Variants in TULP4 observed in about 807,000 individuals in gnomAD.
TULP4 encodes TUB like protein 4.
In TULP4, 16 loss-of-function variants were observed where a neutral mutation model predicts 129.0. That is an observed-to-expected ratio of 0.12 (90% CI 0.08 to 0.19). The LOEUF (loss-of-function observed/expected upper bound fraction) is 0.19, where lower values mean the gene tolerates loss of function less well. Ranked by LOEUF, TULP4 falls within the 10% of genes least tolerant of loss-of-function variation. The pLI, the probability that TULP4 is intolerant of heterozygous loss-of-function variation, is 1.00. For missense variants in TULP4, 1,842 were observed against 2,059.1 expected, an observed-to-expected ratio of 0.89 and a Z score of 2.04; for synonymous variants, 998 against 854.0, an observed-to-expected ratio of 1.17 and a Z score of -2.94.
At chr6:158,483,539 G>A (rs1351453515) in intron 8 of TULP4, among the ~76,000 whole-genome samples, 2 of 152,228 alleles carry the variant, frequency 1.3e-5, no homozygotes, top group Middle Eastern at 3.4e-3. Flanking sequence ...ATGTTGCCCA[G>A]GCTGATAAAC....
intron 1 of TULP4, among the ~76,000 whole-genome samples, chr6:158,266,685 G>A (rs916634822): frequency 5.9e-5 from 9 of 152,172 alleles, no homozygotes; most frequent in African/African-American, 1.9e-4. Context: ...TAGCATTTAC[G>A]TTGTATTAGG....
At chr6:158,289,681 A>T (rs1468714372) in intron 1 of TULP4, among the ~76,000 whole-genome samples, 1 of 152,094 alleles carries the variant, frequency 6.6e-6, no homozygotes, top group African/African-American at 2.4e-5. Context: ...CCTGGGCTCA[A>T]GTGATCCTCC....
chr6:158,262,801 C>A lies in TULP4; in HGVS notation n.68+30498C>A, dbSNP rs931087520. ...CATCATTTGGCACCCTGCGATGTCA[C>A]CTTGCTTTTCAGGAGTGCAGCCGGT... On this transcript the variant is annotated intron_variant and non_coding_transcript_variant, in intron 1 of 1. Transcript: ENST00000620026. 3.3e-5 allele frequency among the ~76,000 whole-genome samples: 5 copies of A among 152,300 alleles called. No individual in the cohort carries two copies. In the East Asian group the frequency reaches 9.6e-4, roughly 29 times the overall value.
At chr6:158,306,015 C>T (rs1380819117) in intron 1 of TULP4, among the ~76,000 whole-genome samples, 1 of 152,080 alleles carries the variant, frequency 6.6e-6, no homozygotes, top group Non-Finnish European at 1.5e-5. Flanking sequence ...TGGCACCAGC[C>T]TTTCAGGAAT....
chr6:158,447,153 T>C (rs1049426774), intron 3 of TULP4, among the ~76,000 whole-genome samples: 3 of 152,220 alleles, frequency 2.0e-5, no homozygotes, highest in African/African-American at 7.2e-5. Flanking sequence ...TTTATTGTTA[T>C]TGAAAATTGC....
intron 6 of TULP4, among the ~76,000 whole-genome samples, chr6:158,468,139 G>A (rs1779595451): frequency 6.6e-6 from 1 of 152,222 alleles, no homozygotes; most frequent in South Asian, 2.1e-4. Context: ...TATTCAGTAA[G>A]ATTAATTAAC....
At chr6:158,390,690 T>C (rs1465921344) in intron 1 of TULP4, among the ~76,000 whole-genome samples, 1 of 152,218 alleles carries the variant, frequency 6.6e-6, no homozygotes, top group Non-Finnish European at 1.5e-5. Context: ...TGAAGAGTCA[T>C]ATGACGTGAA....
At position 158,504,162 on chromosome 6, in the gene TULP4, A is replaced by T; in HGVS notation, c.4499A>T (p.Glu1500Val). 6.3e-7 allele frequency: 1 copy of T among 1,593,756 alleles called. No homozygotes were observed. Among genetic ancestry groups the T allele is most frequent in the East Asian group, 2.3e-5 (1 of 44,234 alleles). The change falls in exon 13 of 14, where the codon GAG becomes GTG. Residue 1500 changes from glutamate to valine, a missense_variant. Physicochemically the swap from Glu to Val is moderately radical, Grantham distance 121. Coordinates refer to ENST00000367097, the MANE Select transcript of TULP4 (RefSeq NM_020245.5). Reference protein sequence around the residue: ...TQESAKNFQIELEGRQVMQFG... With the variant: ...TQESAKNFQIVLEGRQVMQFG... ...GAGTCCGCCAAGAACTTCCAGATTG[A>T]GTTAGAGGGGCGGCAGGTAAGACCT...
chr6:158,418,673 A>G (rs1001170537), intron 2 of TULP4, among the ~76,000 whole-genome samples: 10 of 152,154 alleles, frequency 6.6e-5, no homozygotes, highest in African/African-American at 2.4e-4. Context: ...GAAGGCGGCA[A>G]TGGGAGGATT....
intron 1 of TULP4, among the ~76,000 whole-genome samples, chr6:158,386,629 C>T (rs2114932034): frequency 6.6e-6 from 1 of 152,144 alleles, no homozygotes; most frequent in Middle Eastern, 3.4e-3. Context: ...TTAATATAGT[C>T]ACAGAATTCA....
At chr6:158,300,163 A>G (rs1779108192) in intron 1 of TULP4, among the ~76,000 whole-genome samples, 2 of 152,204 alleles carry the variant, frequency 1.3e-5, no homozygotes, top group Non-Finnish European at 2.9e-5. Context: ...CAGTATTCAC[A>G]CGAAGTTTAA....
intron 2 of TULP4, among the ~76,000 whole-genome samples, chr6:158,423,251 A>G (rs1024308369): frequency 6.6e-6 from 1 of 152,224 alleles, no homozygotes; most frequent in Non-Finnish European, 1.5e-5. Context: ...CTAAATAAAG[A>G]TTTCTTAGAC....
At chr6:158,480,922 C>A in intron 7 of TULP4, 133 bp from the exon 8 acceptor site, 1 of 728,496 alleles carries the variant, frequency 1.4e-6, no homozygotes, top group Non-Finnish European at 2.2e-6. Context: ...TTACCCTCTT[C>A]CCCAGGCCCC....
intron 2 of TULP4, among the ~76,000 whole-genome samples, chr6:158,423,733 T>C (rs1182373902): frequency 6.6e-6 from 1 of 152,118 alleles, no homozygotes; most frequent in Non-Finnish European, 1.5e-5. Flanking sequence ...CTCTGCCTAC[T>C]GGGTTCATGC....
At chr6:158,494,885 A>G (rs1403402904) in intron 11 of TULP4, 39 bp downstream of exon 11, 2 of 1,562,032 alleles carry the variant, frequency 1.3e-6, no homozygotes, top group South Asian at 1.1e-5. Context: ...TCCCAGTTGG[A>G]ACAAACTAAA....
At position 158,461,728 on chromosome 6, in the gene TULP4, A is replaced by C; in HGVS notation, c.1025A>C (p.Gln342Pro). ...EHIFTLDTLV[Q>P]RPIISICWGH... ...ATCTTCACACTGGACACTCTCGTGCAGGTAAGGATGTTCTCTGGAAACAAG... is the reference window on the plus strand; with the variant it reads ...ATCTTCACACTGGACACTCTCGTGCCGGTAAGGATGTTCTCTGGAAACAAG... The change falls in exon 6 of 14, where the codon CAG becomes CCG. Residue 342 changes from glutamine to proline, a missense_variant and splice_region_variant. Around this residue, in one of 5 missense-constraint regions of TULP4, gnomAD observed 456 missense variants for 534.3 expected, o/e 0.85. Coordinates refer to ENST00000367097, the MANE Select transcript of TULP4 (RefSeq NM_020245.5). 6.2e-7 allele frequency: 1 copy of C among 1,613,556 alleles called. No individual in the cohort carries two copies. The highest frequency in any genetic ancestry group is 8.5e-7 in the Non-Finnish European group (1 of 1,179,742).
chr6:158,316,844 G>A (rs1329777362), intron 1 of TULP4, among the ~76,000 whole-genome samples: 1 of 152,186 alleles, frequency 6.6e-6, no homozygotes, highest in Non-Finnish European at 1.5e-5. Flanking sequence ...GTTCCTTGTG[G>A]TTGTAGGACT....
chr6:158,286,868 T>C (rs1474802045), intron 1 of TULP4, among the ~76,000 whole-genome samples: 1 of 152,246 alleles, frequency 6.6e-6, no homozygotes, highest in Non-Finnish European at 1.5e-5. Context: ...AATGAGAAGA[T>C]AGTGAACATA....
intron 3 of TULP4, 150 bp downstream of exon 3, chr6:158,430,047 T>C: frequency 1.4e-6 from 1 of 703,848 alleles, no homozygotes; most frequent in Non-Finnish European, 2.1e-6. Context: ...AAAATTAAAA[T>C]AAAAATTCTA....
Sources: gnomAD v4.1 joint callset for allele counts (sites outside exome capture counted in the v4.1 genomes callset) on GRCh38, gnomAD v4.1.1 for gene constraint, gnomAD v4.1.1 regional missense constraint, MANE v1.5 for transcripts, NCBI Gene and HGNC (gene_info 2026-07-23, HGNC 2026-07-21) for gene names.